Variants in TRPV2 observed in about 807,000 individuals in gnomAD.
TRPV2 encodes the protein transient receptor potential cation channel subfamily V member 2.
In TRPV2, 58 loss-of-function variants were observed where a neutral mutation model predicts 91.0. That is an observed-to-expected ratio of 0.64 (90% confidence interval 0.52 to 0.79). The LOEUF is 0.79. Among genes scored for constraint, TRPV2 ranks in the 30% least tolerant of loss-of-function variants. TRPV2 has a pLI of 0.00. For missense variants in TRPV2, 807 were observed against 969.6 expected (o/e 0.83, Z 2.23); for synonymous variants, 417 against 414.8 (o/e 1.01, Z -0.06).
intron 12 of TRPV2, 121 bp from the exon 13 acceptor site, chr17:16,433,453 A>T (rs2093422151): frequency 7.1e-6 from 10 of 1,402,934 alleles, no homozygotes; most frequent in Non-Finnish European, 9.6e-7. Context: ...CCGCGTGTTT[A>T]GTTGACTTCG....
Position 16,422,556 on chromosome 17 carries a change from G to C in TRPV2, c.335-43G>C, listed in dbSNP as rs1347823393. ...CTATCGGGCAGCCCAGCCACTCCAG[G>C]TCTCAGCACCACTGTGCCCCTTCCC... is the stretch of plus-strand genomic sequence containing the variant. On this transcript the variant is annotated intron_variant, in intron 3 of 14. Coordinates refer to ENST00000338560, the MANE Select transcript of TRPV2 (RefSeq NM_016113.5). 3.8e-6 allele frequency: 6 copies of C among 1,586,766 alleles called. No individual in the cohort carries two copies. The South Asian group carries it at 6.9e-5, about 18-fold the overall frequency.
chr17:16,417,910 C>T (rs1229496743), intron 2 of TRPV2, 42 bp downstream of exon 2: 1 of 1,578,800 alleles, frequency 6.3e-7, no homozygotes, highest in Non-Finnish European at 8.6e-7. Flanking sequence ...GGCCCCCTGC[C>T]CAGCTCCAGC....
At position 16,423,527 on chromosome 17, in the gene TRPV2, C is replaced by T. The variant is rs757975900; in HGVS notation, c.684C>T (p.Leu228=). 6.2e-6 allele frequency: 10 copies of T among 1,614,082 alleles called. No individual in the cohort carries two copies. The highest frequency in any genetic ancestry group is 8.5e-6 in the Non-Finnish European group (10 of 1,179,988). Residue 228 remains leucine (L), a synonymous_variant, in exon 5 of 15, where the codon CTC becomes CTT. Coordinates refer to ENST00000338560, the MANE Select transcript of TRPV2 (RefSeq NM_016113.5). ...CTKQWDVVSY[L]LENPHQPASL... is the part of the protein sequence containing the mutation. ...AGCAGTGGGATGTGGTAAGCTACCT[C>T]CTGGAGAACCCACACCAGCCCGCCA...
rs2093384732 is a variant in TRPV2 at position 16,426,708 on chromosome 17, C to T, written c.1096-14C>T. 7 of 1,609,466 alleles carry T rather than the reference C, an allele frequency of 4.3e-6. No individual in the cohort carries two copies. The highest frequency in any genetic ancestry group is 1.7e-4 in the Middle Eastern group (1 of 5,814). On this transcript the variant is annotated splice_polypyrimidine_tract_variant and intron_variant, in intron 6 of 14. Transcript: ENST00000338560. This position sits in a 1 kb window ranked among gnomAD's most constrained non-coding sequence, Gnocchi z 6.0. ...TTGTTGAGTGTACCCATGGCTCTCCCCTCCCCACCCCAGCACCGACACCGA... is the reference window on the plus strand; with the variant it reads ...TTGTTGAGTGTACCCATGGCTCTCCTCTCCCCACCCCAGCACCGACACCGA...
At chr17:16,432,354 G>A in intron 12 of TRPV2, 54 bp downstream of exon 12, 2 of 1,532,208 alleles carry the variant, frequency 1.3e-6, no homozygotes, top group Non-Finnish European at 1.8e-6. Flanking sequence ...AGGCGGTGGG[G>A]AGTGCTCCGG....
At chr17:16,419,540 A>G (rs1383106100) in intron 2 of TRPV2, 8 of 402,946 alleles carry the variant, frequency 2.0e-5, no homozygotes, top group South Asian at 1.3e-4. Flanking sequence ...GGCAAGTTAC[A>G]TGACCTCCTT....
At position 16,427,405 on chromosome 17, in the gene TRPV2, A is replaced by T. The variant is rs749426305; in HGVS notation, c.1252-44A>T. 2.8e-5 allele frequency: 44 copies of T among 1,590,036 alleles called. 1 individual carries two copies. The South Asian group carries it at 4.8e-4, about 17-fold the overall frequency. On this transcript the variant is annotated intron_variant, in intron 7 of 14. Transcript: ENST00000338560. ...TCAGCTCTGAAGGGTGAGCTGTTCG[A>T]GAGAGGACCCAAGGCCCTAGGTCTC...
intron 3 of TRPV2, among the ~76,000 whole-genome samples, chr17:16,421,215 CTT>C (rs769679042): frequency 6.8e-6 from 1 of 147,668 alleles, no homozygotes; most frequent in African/African-American, 2.5e-5. Flanking sequence ...TATTATTCCC[CTT>C]TTTTTTTTTG....
rs148009064 is a variant in TRPV2, at chr17:16,431,732, C to T, written c.1588-52C>T. On this transcript the variant is annotated intron_variant, in intron 10 of 14. Transcript: ENST00000338560. ...TGTGGGTGAGGCAGGGTTCTGGGGT[C>T]GTGACTGGTGGCCCAGCTACCCACC... 8.7e-5 allele frequency: 137 copies of T among 1,565,978 alleles called. 2 individuals are homozygous for T. In the East Asian group the frequency reaches 1.1e-3, roughly 12 times the overall value.
chr17:16,427,613 A>G, intron 8 of TRPV2, 66 bp downstream of exon 8: 1 of 1,464,180 alleles, frequency 6.8e-7, no homozygotes, highest in Non-Finnish European at 9.3e-7. Flanking sequence ...GGGCTTAGAG[A>G]AAGTTAGCTG....
At chr17:16,433,003 C>A (rs1181047644) in intron 12 of TRPV2, among the ~76,000 whole-genome samples, 1 of 152,140 alleles carries the variant, frequency 6.6e-6, no homozygotes, top group Admixed American at 6.5e-5. Context: ...TAAGGTTTCA[C>A]CATGTTGGTC....
chr17:16,436,569 C>G (rs539696333), intron 14 of TRPV2, among the ~76,000 whole-genome samples: 1 of 152,278 alleles, frequency 6.6e-6, no homozygotes, highest in Admixed American at 6.5e-5. Flanking sequence ...CTTTAAGCTC[C>G]TGGGGGTGGC....
chr17:16,426,368 C>A lies in TRPV2; in HGVS notation c.1095+99C>A. On this transcript the variant is annotated intron_variant, in intron 6 of 14. Coordinates refer to ENST00000338560, the MANE Select transcript of TRPV2 (RefSeq NM_016113.5). The surrounding 1 kb of genome is among the most constrained non-coding windows in gnomAD (Gnocchi z 6.0). ...CCTGCTGGACCATATCTGCCCCATTCCTGTGCCAGTGGGGGTGTGGCTGCA... is the reference window on the plus strand; with the variant it reads ...CCTGCTGGACCATATCTGCCCCATTACTGTGCCAGTGGGGGTGTGGCTGCA... The A allele has an allele frequency of 2.1e-6, 3 of 1,416,204 alleles. No homozygotes were observed. The highest frequency in any genetic ancestry group is 1.3e-5 in the South Asian group (1 of 75,338). 87.7% of individuals were successfully genotyped at this position (1,416,204 alleles called of 1,614,324 possible).
Position 16,426,622 on chromosome 17 carries a change from C to G in TRPV2, c.1096-100C>G. 7.2e-7 allele frequency: 1 copy of G among 1,397,572 alleles called. No homozygotes were observed. The highest frequency in any genetic ancestry group is 9.7e-7 in the Non-Finnish European group (1 of 1,029,022). The allele number at this position is 1,397,572 out of a possible 1,614,324, so 86.6% of individuals were successfully genotyped here. A position where few individuals can be genotyped will look rare whatever the true frequency, so the allele number is the denominator to read the frequency against. On this transcript the variant is annotated intron_variant, in intron 6 of 14. Transcript: ENST00000338560. This position sits in a 1 kb window ranked among gnomAD's most constrained non-coding sequence, Gnocchi z 6.0. The stretch of plus-strand genomic sequence containing the variant: ...GGTGTGGAAGCCTGCTCCCTGTCCT[C>G]TCTCCTCATTTCCTGGGCCCTTGCT...
chr17:16,428,918 T>C lies in TRPV2; in HGVS notation c.1523T>C (p.Leu508Pro), dbSNP rs1721531505. The C allele has an allele frequency of 6.2e-7, 1 of 1,614,214 alleles. No homozygotes were observed. Among genetic ancestry groups the C allele is most frequent in the Non-Finnish European group, 8.5e-7 (1 of 1,180,038 alleles). ...LLVSALVLGW[L>P]NLLYYTRGFQ... is the part of the protein sequence containing the mutation. ...GTGTCTGCGCTGGTGCTGGGCTGGC[T>C]GAACCTGCTTTACTATACACGTGGC... Residue 508 changes from leucine to proline, a missense_variant, in exon 10 of 15, where the codon CTG becomes CCG. Physicochemically the swap from Leu to Pro is moderately conservative, Grantham distance 98. Transcript: ENST00000338560.
chr17:16,436,859 T>A lies in TRPV2; in HGVS notation c.2265T>A (p.Tyr755Ter). ...AGGATGGTGCCTCTGAGGAAAACTA[T>A]GTGCCCGTCCAGCTCCTCCAGTCCA... ...EDEDGASEEN[Y>*]VPVQLLQSN The change falls in exon 15 of 15, where the codon TAT becomes TAA. Residue 755 changes from tyrosine (Y) to a stop codon, truncating the protein, a stop_gained. Transcript: ENST00000338560. LOFTEE classifies it high-confidence loss of function. 1 of 1,614,134 alleles carries A rather than the reference T, an allele frequency of 6.2e-7. No homozygotes were observed. Among genetic ancestry groups the A allele is most frequent in the Non-Finnish European group, 8.5e-7 (1 of 1,179,992 alleles).
intron 4 of TRPV2, 120 bp downstream of exon 4, chr17:16,423,009 C>A: frequency 8.1e-7 from 1 of 1,234,762 alleles, no homozygotes; most frequent in Non-Finnish European, 1.1e-6. Flanking sequence ...CCCCGATGCC[C>A]TGCTTCTAAC....
Position 16,420,268 on chromosome 17 carries a change from T to A in TRPV2, c.334+20T>A. 1 of 1,598,042 alleles carries A rather than the reference T, an allele frequency of 6.3e-7. No homozygotes were observed. Among genetic ancestry groups the A allele is most frequent in the South Asian group, 1.1e-5 (1 of 90,208 alleles). On this transcript the variant is annotated intron_variant, in intron 3 of 14. Transcript: ENST00000338560. ...ACACAGGTAGACCCTGCCCTGTGGA[T>A]CCAAGGCTAGGCATCCTGTGAGCTG...
intron 14 of TRPV2, among the ~76,000 whole-genome samples, chr17:16,436,406 C>T (rs2093434053): frequency 6.6e-6 from 1 of 152,198 alleles, no homozygotes; most frequent in Non-Finnish European, 1.5e-5. Flanking sequence ...TGGTTCATCT[C>T]TGGATTCGTC....
Sources: allele counts gnomAD v4.1 joint callset (sites outside exome capture counted in the v4.1 genomes callset), GRCh38; gene constraint gnomAD v4.1.1; non-coding constraint Gnocchi (gnomAD v3.1); transcripts MANE v1.5; gene names NCBI Gene and HGNC (gene_info 2026-07-23, HGNC 2026-07-21).